Variants in DMTN observed in about 807,000 individuals in gnomAD.
DMTN encodes the protein dematin actin binding protein.
A neutral mutation model predicts 59.4 loss-of-function variants in DMTN; 27 were observed. The observed-to-expected ratio is 0.45, with a 90% CI of 0.33 to 0.63. DMTN has a LOEUF of 0.63. DMTN is among the 20% of genes least tolerant of loss of function. The pLI, the probability that DMTN is intolerant of heterozygous loss-of-function variation, is 0.02. For missense variants in DMTN, 451 were observed against 528.9 expected (o/e 0.85, Z 1.45); for synonymous variants, 221 against 203.7 (o/e 1.08, Z -0.72).
At chr8:22,067,032 C>T in intron 2 of DMTN, 53 bp from the exon 3 acceptor site, 1 of 1,510,324 alleles carries the variant, frequency 6.6e-7, no homozygotes, top group African/African-American at 1.4e-5. Flanking sequence ...CGCCCCCGCC[C>T]CGCTCCCGCA....
chr8:22,053,431 C>A (rs1801567952), upstream of DMTN: 1 of 152,318 alleles, frequency 6.6e-6, no homozygotes, highest in African/African-American at 2.4e-5. Flanking sequence ...TCTCTGTCAC[C>A]CTTTCCTTCC....
At chr8:22,051,222 G>C (rs1157012693), upstream of DMTN, among the ~76,000 whole-genome samples, 1 of 152,166 alleles carries the variant, frequency 6.6e-6, no homozygotes, top group East Asian at 1.9e-4. Context: ...GGCCACCAGT[G>C]CCTCAAGTCT....
intron 9 of DMTN, among the ~76,000 whole-genome samples, chr8:22,073,503 T>C (rs1403755536): frequency 2.0e-5 from 3 of 150,948 alleles, no homozygotes; most frequent in African/African-American, 7.3e-5. Flanking sequence ...TGGTGGTGCA[T>C]GCCTGTGGTC....
chr8:22,075,298 C>CGCTCCT, intron 10 of DMTN, among the ~76,000 whole-genome samples: 1 of 150,556 alleles, frequency 6.6e-6, no homozygotes, highest in East Asian at 2.0e-4. Flanking sequence ...GGGAGCTAGA[C>CGCTCCT]CCTCCTCCTC....
At chr8:22,077,863 G>A (rs1199420545) in intron 10 of DMTN, among the ~76,000 whole-genome samples, 1 of 152,212 alleles carries the variant, frequency 6.6e-6, no homozygotes, top group Non-Finnish European at 1.5e-5. Flanking sequence ...GAAGTAATTT[G>A]GAGGGGAAAA....
upstream of DMTN, among the ~76,000 whole-genome samples, chr8:22,055,885 A>G (rs972368091): frequency 6.6e-6 from 1 of 152,036 alleles, no homozygotes; most frequent in African/African-American, 2.4e-5. Context: ...GATTTCCCCA[A>G]CAACAGCTGA....
At position 22,069,471 on chromosome 8, in the gene DMTN, G is replaced by A; in HGVS notation, c.347G>A (p.Arg116Lys). Reference sequence around the variant, plus strand: ...ATCATCTCTCAGGCCTCGGCCCCCAGAACCACTGGAACCCCCCGGACCAGC... The same window carrying A: ...ATCATCTCTCAGGCCTCGGCCCCCAAAACCACTGGAACCCCCCGGACCAGC... ...PGIISQASAPRTTGTPRTSLP... is the reference protein window; with the variant it reads ...PGIISQASAPKTTGTPRTSLP... The change falls in exon 6 of 16, where the codon AGA becomes AAA. Residue 116 changes from arginine to lysine, a missense_variant. Physicochemically the swap from Arg to Lys is conservative, Grantham distance 26. Transcript: ENST00000358242. 6.2e-7 allele frequency: 1 copy of A among 1,613,386 alleles called. No homozygotes were observed. The highest frequency in any genetic ancestry group is 8.5e-7 in the Non-Finnish European group (1 of 1,179,616).
Position 22,066,721 on chromosome 8 carries a change from C to T in DMTN, c.-155C>T. On this transcript the variant is annotated 5_prime_UTR_variant, in exon 2 of 16. Transcript: ENST00000358242. ...TCCCCGCAGCCTGGAGAGTCACCGC[C>T]GAGGGATGAGGACGCGCCAGCCCGG... 1.3e-6 allele frequency: 1 copy of T among 773,212 alleles called. No individual in the cohort carries two copies. The highest frequency in any genetic ancestry group is 3.8e-5 in the South Asian group (1 of 26,194). The allele number at this position is 773,212 out of a possible 1,614,324, so 47.9% of individuals were successfully genotyped here.
rs974811391 is a variant in DMTN, at chr8:22,080,742, C to T, written c.958-63C>T. The stretch of plus-strand genomic sequence containing the variant: ...AGTTGCCTGGTGAAGAAGAAGAAGC[C>T]GGGGTAAGGCTGGGAAGGTCTCCCT... On this transcript the variant is annotated intron_variant, in intron 13 of 15. Coordinates refer to ENST00000358242, the MANE Select transcript of DMTN (RefSeq NM_001387751.1). 341 of 1,588,210 alleles carry T rather than the reference C, an allele frequency of 2.1e-4. 2 individuals are homozygous for T. The highest frequency in any genetic ancestry group is 2.1e-4 in the Non-Finnish European group (241 of 1,167,690).
chr8:22,069,296 C>A, intron 5 of DMTN, 123 bp from the exon 6 acceptor site: 2 of 951,742 alleles, frequency 2.1e-6, no homozygotes, highest in Non-Finnish European at 3.1e-6. Flanking sequence ...CAACATTGCC[C>A]TGGGTTTGGA....
chr8:22,080,295 G>C (rs775730311), intron 11 of DMTN, 51 bp downstream of exon 11: 1 of 1,613,296 alleles, frequency 6.2e-7, no homozygotes, highest in Non-Finnish European at 8.5e-7. Flanking sequence ...ACGTGCATGT[G>C]GGGTGCTGAG....
In DMTN at chr8:22,073,833, C is replaced by G. The variant is rs749884536; in HGVS notation, c.833C>G (p.Thr278Ser). 5.6e-6 allele frequency: 9 copies of G among 1,613,532 alleles called. No homozygotes were observed. Among genetic ancestry groups the G allele is most frequent in the Non-Finnish European group, 7.6e-6 (9 of 1,179,576 alleles). The change falls in exon 10 of 16, where the codon ACC (threonine) becomes AGC (serine). Residue 278 changes from threonine (T) to serine (S), a missense_variant and splice_region_variant. Transcript: ENST00000358242. Reference protein sequence around the residue: ...RSLPDRTPFHTSLHQGTSKSS... With the variant: ...RSLPDRTPFHSSLHQGTSKSS... ...CTGCCTGACCGGACACCCTTCCATA[C>G]CTGTGAGTGCTGTGGAGGGGGCTCA... is the stretch of plus-strand genomic sequence containing the variant.
chr8:22,066,017 T>A (rs959143937), intron 1 of DMTN, among the ~76,000 whole-genome samples: 3 of 151,790 alleles, frequency 2.0e-5, no homozygotes, highest in African/African-American at 7.3e-5. Flanking sequence ...ATTTTTAAAA[T>A]TTTTTCTGTA....
chr8:22,055,753 G>T (rs1050876461), upstream of DMTN, among the ~76,000 whole-genome samples: 35 of 151,908 alleles, frequency 2.3e-4, no homozygotes, highest in African/African-American at 8.5e-4. Flanking sequence ...CCATCCCTCA[G>T]GTTACTGTCC....
chr8:22,056,025 G>T (rs1035217361), upstream of DMTN, among the ~76,000 whole-genome samples: 1 of 152,174 alleles, frequency 6.6e-6, no homozygotes, highest in African/African-American at 2.4e-5. Flanking sequence ...AAGGCTTGTT[G>T]TCCTTCCCCA....
At chr8:22,049,248 C>T (rs1159419076), upstream of DMTN, 1 of 70,762 alleles carries the variant, frequency 1.4e-5, no homozygotes, top group Non-Finnish European at 3.1e-5. Context: ...GGGCGGGAAG[C>T]GGGGTTGGGC....
chr8:22,062,031 C>T (rs1224039591), intron 1 of DMTN, among the ~76,000 whole-genome samples: 1 of 152,130 alleles, frequency 6.6e-6, no homozygotes, highest in Non-Finnish European at 1.5e-5. Flanking sequence ...GTTGGGATTA[C>T]AGGCATAAGC....
rs1042014725 is a variant in DMTN, at chr8:22,058,928, T to C, written c.-172+1792T>C. On this transcript the variant is annotated intron_variant, in intron 1 of 15. Transcript: ENST00000358242. This position sits in a 1 kb window ranked among gnomAD's most constrained non-coding sequence, Gnocchi z 4.3. ...GTGTCCTTTTCCAGTGGCGGGGGGG[T>C]GCGGGGAGCAAGGTGCCCTACCCCA... Among the ~76,000 whole-genome samples the C allele has an allele frequency of 1.4e-5, 2 of 146,766 alleles. No individual in the cohort carries two copies. Among genetic ancestry groups the C allele is most frequent in the African/African-American group, 5.1e-5 (2 of 39,498 alleles).
chr8:22,067,814 GA>G (rs1329890163), intron 4 of DMTN, 132 bp downstream of exon 4: 1 of 1,069,804 alleles, frequency 9.3e-7, no homozygotes, highest in African/African-American at 1.6e-5. Context: ...CTGTGCGCAG[GA>G]ACCAACCAGT....
Sources: gnomAD v4.1 joint callset for allele counts (sites outside exome capture counted in the v4.1 genomes callset) on GRCh38, gnomAD v4.1.1 for gene constraint, Gnocchi (gnomAD v3.1) non-coding constraint, MANE v1.5 for transcripts, NCBI Gene and HGNC (gene_info 2026-07-23, HGNC 2026-07-21) for gene names.